Variants in FREM1 observed in about 807,000 individuals in gnomAD.
FREM1 encodes FRAS1-related extracellular matrix protein 1.
Under a neutral mutation model 210.1 loss-of-function variants are expected in FREM1, and 220 were observed. The observed-to-expected ratio is 1.05, with a 90% confidence interval of 0.94 to 1.17. The LOEUF is 1.17. FREM1 is among the 50% of genes most tolerant of loss of function. FREM1 has a pLI of 0.00. For missense variants in FREM1, 3,454 were observed against 2,675.5 expected (o/e 1.29, Z -6.42); for synonymous variants, 1,189 against 980.2 (o/e 1.21, Z -3.98).
intron 5 of FREM1, among the ~76,000 whole-genome samples, chr9:14,855,228 G>A (rs1484470630): frequency 6.6e-6 from 1 of 152,000 alleles, no homozygotes; most frequent in African/African-American, 2.4e-5. Flanking sequence ...AAATAAAAGA[G>A]CTAGCCTTGA....
intron 1 of FREM1, among the ~76,000 whole-genome samples, chr9:14,906,606 A>G (rs770068019): frequency 2.6e-5 from 4 of 152,222 alleles, no homozygotes; most frequent in Non-Finnish European, 5.9e-5. Flanking sequence ...CCTTTCTGCA[A>G]TCTTCCTAAC....
At chr9:14,809,107 A>G (rs766625308) in intron 16 of FREM1, among the ~76,000 whole-genome samples, 4 of 152,132 alleles carry the variant, frequency 2.6e-5, no homozygotes, top group Admixed American at 6.5e-5. Context: ...CGCTTTTCTC[A>G]TGATAGTGAA....
chr9:14,860,999 A>G (rs1371212947), intron 3 of FREM1, among the ~76,000 whole-genome samples: 1 of 114,298 alleles, frequency 8.7e-6, no homozygotes, highest in African/African-American at 3.9e-5. Context: ...ATACATATAT[A>G]TACACATATA....
chr9:14,803,743 T>C (rs530739427), intron 19 of FREM1, among the ~76,000 whole-genome samples: 1 of 152,264 alleles, frequency 6.6e-6, no homozygotes, highest in Non-Finnish European at 1.5e-5. Context: ...TTATTGAACA[T>C]GTGTTAACAA....
At chr9:14,811,515 G>C (rs1004987278) in intron 16 of FREM1, among the ~76,000 whole-genome samples, 4 of 152,142 alleles carry the variant, frequency 2.6e-5, no homozygotes, top group Admixed American at 2.0e-4. Flanking sequence ...GTGAACTCCT[G>C]AGGGACATCA....
chr9:14,860,728 C>T (rs201992711), intron 3 of FREM1, among the ~76,000 whole-genome samples: 18 of 105,832 alleles, frequency 1.7e-4, no homozygotes, highest in African/African-American at 3.5e-4. Flanking sequence ...CACATATATA[C>T]ACATATATAC....
chr9:14,839,932 T>C (rs1242895907), intron 10 of FREM1, among the ~76,000 whole-genome samples: 1 of 152,202 alleles, frequency 6.6e-6, no homozygotes, highest in Non-Finnish European at 1.5e-5. Context: ...AGAAATGACA[T>C]ATAATACATT....
At chr9:14,892,219 T>C (rs191298422) in intron 1 of FREM1, among the ~76,000 whole-genome samples, 1 of 152,142 alleles carries the variant, frequency 6.6e-6, no homozygotes, top group Non-Finnish European at 1.5e-5. Context: ...TCTGGGTAAG[T>C]GGTGGGATCC....
At chr9:14,808,207 C>A in intron 16 of FREM1, 73 bp from the exon 17 acceptor site, 1 of 948,148 alleles carries the variant, frequency 1.1e-6, no homozygotes, top group Non-Finnish European at 1.5e-6. Context: ...CTACTCACAC[C>A]TCTTCTACAA....
At chr9:14,745,157 A>C (rs1464701873) in intron 35 of FREM1, among the ~76,000 whole-genome samples, 1 of 152,172 alleles carries the variant, frequency 6.6e-6, no homozygotes, top group Non-Finnish European at 1.5e-5. Flanking sequence ...AAAAATCACT[A>C]ATGAGTAATA....
At chr9:14,863,127 G>C (rs1830865188) in intron 3 of FREM1, among the ~76,000 whole-genome samples, 1 of 151,970 alleles carries the variant, frequency 6.6e-6, no homozygotes, top group African/African-American at 2.4e-5. Context: ...AGATCATGTG[G>C]TCAGGAGATC....
At chr9:14,852,517 A>G (rs2131411958) in intron 5 of FREM1, among the ~76,000 whole-genome samples, 2 of 152,230 alleles carry the variant, frequency 1.3e-5, no homozygotes, top group South Asian at 4.2e-4. Flanking sequence ...ACGAGACCCT[A>G]TCTCTACAAA....
At position 14,824,921 on chromosome 9, in the gene FREM1, C is replaced by T; in HGVS notation, c.1953G>A (p.Leu651=). 1 of 1,610,860 alleles carries T rather than the reference C, an allele frequency of 6.2e-7. No homozygotes were observed. The highest frequency in any genetic ancestry group is 1.1e-5 in the South Asian group (1 of 89,758). ...PKEAPGVSRH[L]VVKETEVAYI... ...AGGCCACCTCAGTTTCCTTGACAAC[C>T]AAATGCCGAGAAACTCCAGGAGCCT... The change falls in exon 11 of 37, where the codon TTG becomes TTA. Residue 651 remains leucine (L), a synonymous_variant. Coordinates refer to ENST00000380880, the MANE Select transcript of FREM1 (RefSeq NM_001379081.2).
chr9:14,822,328 T>C (rs1821512004), intron 13 of FREM1, among the ~76,000 whole-genome samples: 1 of 152,180 alleles, frequency 6.6e-6, no homozygotes, highest in Admixed American at 6.5e-5. Context: ...GTAAGACCTC[T>C]GCCCCACAAC....
At chr9:14,909,784 A>C (rs1403637860) in intron 1 of FREM1, 130 bp downstream of exon 1, 1 of 152,246 alleles carries the variant, frequency 6.6e-6, no homozygotes, top group African/African-American at 2.4e-5. Flanking sequence ...AAACTTTTGC[A>C]AGCCTACTCT....
intron 27 of FREM1, among the ~76,000 whole-genome samples, chr9:14,767,882 T>C (rs1192983044): frequency 1.3e-5 from 2 of 152,150 alleles, no homozygotes; most frequent in East Asian, 3.9e-4. Context: ...TTTTGTTCAG[T>C]CATGAACAAA....
intron 21 of FREM1, among the ~76,000 whole-genome samples, chr9:14,796,023 A>G (rs1232333496): frequency 6.6e-6 from 1 of 152,222 alleles, no homozygotes; most frequent in African/African-American, 2.4e-5. Flanking sequence ...GCTAAGAAAT[A>G]AGAAAATAGA....
chr9:14,907,693 G>A (rs1322005644), intron 1 of FREM1, among the ~76,000 whole-genome samples: 1 of 152,148 alleles, frequency 6.6e-6, no homozygotes, highest in Non-Finnish European at 1.5e-5. Context: ...TGCTTTGTGA[G>A]AGAAAAAAAT....
chr9:14,795,036 A>G (rs1017752261), intron 21 of FREM1, among the ~76,000 whole-genome samples: 1 of 151,904 alleles, frequency 6.6e-6, no homozygotes, highest in African/African-American at 2.4e-5. Flanking sequence ...AAGAAAGAAA[A>G]AAATAATAAA....
Sources: allele counts gnomAD v4.1 joint callset (sites outside exome capture counted in the v4.1 genomes callset), GRCh38; gene constraint gnomAD v4.1.1; transcripts MANE v1.5; gene names NCBI Gene and HGNC (gene_info 2026-07-23, HGNC 2026-07-21).